GRIP1: variants seen among roughly 807,000 people sequenced by gnomAD.
The protein encoded by GRIP1 is glutamate receptor interacting protein 1, also known as glutamate receptor-interacting protein 1.
A neutral mutation model predicts 129.9 loss-of-function variants in GRIP1; 45 were observed. The ratio of observed to expected loss-of-function variants is 0.35; its 90% CI spans 0.27 to 0.44. GRIP1 has a LOEUF of 0.44. GRIP1 is among the 20% of genes least tolerant of loss of function. The pLI is 1.00. For synonymous variants in GRIP1, 530 were observed against 520.8 expected (o/e 1.02, Z -0.24); for missense variants, 1,196 against 1,396.8 (o/e 0.86, Z 2.29).
At chr12:66,566,062 T>C (rs149428719) in intron 2 of GRIP1, among the ~76,000 whole-genome samples, 2,595 of 152,322 alleles carry the variant, frequency 0.017, 68 homozygotes, top group African/African-American at 0.059. Flanking sequence ...TCATGTCATC[T>C]GCAAACAGAG....
In GRIP1 at chr12:66,979,222, TAAAAAAAAAA is replaced by T. The variant is rs35306665; in HGVS notation, c.58+89818_58+89827del. On this transcript the variant is annotated intron_variant, in intron 1 of 1. Coordinates refer to the GRIP1 transcript ENST00000643019. The stretch of plus-strand genomic sequence containing the variant: ...CCCCAAGCCACAAAACTTCTCTTCT[TAAAAAAAAAA>T]AAAAAAAAAAAAAAAAAAAAAACAA... 1.7e-4 allele frequency among the ~76,000 whole-genome samples: 7 copies of T among 41,458 alleles called. No homozygotes were observed. The East Asian group carries it at 2.4e-3, about 14-fold the overall frequency. 27.2% of individuals were successfully genotyped at this position (41,458 alleles called of 152,430 possible).
chr12:66,675,339 A>G (rs760278726), intron 1 of GRIP1, among the ~76,000 whole-genome samples: 2 of 152,162 alleles, frequency 1.3e-5, no homozygotes, highest in Non-Finnish European at 2.9e-5. Flanking sequence ...GTGGAGCACG[A>G]AAGTTCAGAT....
In GRIP1 at chr12:66,582,743, A is replaced by C. The variant is rs1324327258; in HGVS notation, c.136+14104T>G. Among the ~76,000 whole-genome samples the C allele has an allele frequency of 7.3e-4, 106 of 146,136 alleles. 2 individuals are homozygous for C. The South Asian group carries it at 0.023, about 31-fold the overall frequency. On this transcript the variant is annotated intron_variant, in intron 2 of 24. Coordinates refer to ENST00000359742, the MANE Select transcript of GRIP1 (RefSeq NM_001366722.1). ...CAAGGAGAACTACAAACCACTGCTC[A>C]ATGAAATAAAAGAGGATACAAACAA...
chr12:66,462,857 A>C, intron 9 of GRIP1, 67 bp downstream of exon 9: 1 of 1,225,460 alleles, frequency 8.2e-7, no homozygotes, highest in South Asian at 1.2e-5. Flanking sequence ...TCTGCTGTCT[A>C]ACTCTGCTAG....
At chr12:66,857,997 G>A (rs1004965746) in intron 1 of GRIP1, among the ~76,000 whole-genome samples, 17 of 152,048 alleles carry the variant, frequency 1.1e-4, no homozygotes, top group African/African-American at 4.1e-4. Flanking sequence ...TCTCAGGAGT[G>A]TGAGGTTTAT....
At chr12:66,853,958 T>C (rs895935062) in intron 1 of GRIP1, among the ~76,000 whole-genome samples, 23 of 152,054 alleles carry the variant, frequency 1.5e-4, no homozygotes, top group Non-Finnish European at 2.6e-4. Context: ...CACTGAAATA[T>C]GTCTGACTCT....
At chr12:66,957,099 G>A (rs570175327) in intron 1 of GRIP1, among the ~76,000 whole-genome samples, 1 of 152,200 alleles carries the variant, frequency 6.6e-6, no homozygotes, top group Admixed American at 6.5e-5. Flanking sequence ...ATTTGAGATA[G>A]GGTCTTTAAA....
chr12:66,698,524 A>G (rs1773574584), intron 1 of GRIP1, among the ~76,000 whole-genome samples: 2 of 152,164 alleles, frequency 1.3e-5, no homozygotes, highest in South Asian at 4.1e-4. Flanking sequence ...CTCTTTTTCA[A>G]CTATTTCCTA....
intron 7 of GRIP1, among the ~76,000 whole-genome samples, chr12:66,483,271 AC>A (rs773601168): frequency 4.6e-5 from 7 of 152,154 alleles, no homozygotes; most frequent in Non-Finnish European, 8.8e-5. Flanking sequence ...AATAATTTCA[AC>A]CCTTTTCAGA....
intron 1 of GRIP1, among the ~76,000 whole-genome samples, chr12:67,000,830 C>CA (rs1203053845): frequency 3.3e-5 from 5 of 151,832 alleles, no homozygotes; most frequent in Admixed American, 1.3e-4. Context: ...TTAGCAAATA[C>CA]AAAAAAAGTA....
chr12:66,516,078 A>C (rs1319381633), intron 6 of GRIP1, among the ~76,000 whole-genome samples: 2 of 152,178 alleles, frequency 1.3e-5, no homozygotes, highest in Admixed American at 1.3e-4. Context: ...CTGAATGTCT[A>C]AAATGGATTT....
At chr12:66,405,829 G>T (rs1024399525) in intron 16 of GRIP1, among the ~76,000 whole-genome samples, 2 of 152,144 alleles carry the variant, frequency 1.3e-5, no homozygotes, top group Admixed American at 1.3e-4. Flanking sequence ...GCAATATAGT[G>T]ATTTAAGAAG....
chr12:66,465,491 T>G, intron 7 of GRIP1, 69 bp from the exon 8 acceptor site: 3 of 1,345,954 alleles, frequency 2.2e-6, no homozygotes, highest in Non-Finnish European at 3.2e-6. Flanking sequence ...AAGAAAGAGA[T>G]GAAGAATATT....
intron 15 of GRIP1, among the ~76,000 whole-genome samples, chr12:66,409,506 C>A (rs1470837205): frequency 6.6e-6 from 1 of 152,132 alleles, no homozygotes; most frequent in East Asian, 1.9e-4. Flanking sequence ...GTGAAGTGAC[C>A]AAAAACTTAG....
rs1332001075 is a variant in GRIP1, at chr12:66,414,939, TAAAATAAAATAAAATAAAATA to T, written c.1838+5760_1838+5780del. On this transcript the variant is annotated intron_variant, in intron 15 of 24. Coordinates refer to ENST00000359742, the MANE Select transcript of GRIP1 (RefSeq NM_001366722.1). The stretch of plus-strand genomic sequence containing the variant: ...CCCCTTCCTTACACCTTATATAAAA[TAAAATAAAATAAAATAAAATA>T]AAATAAAATAAAATAAAATAAAATA... Among the ~76,000 whole-genome samples the T allele has an allele frequency of 1.3e-3, 75 of 57,280 alleles. 1 individual carries two copies. The highest frequency in any genetic ancestry group is 2.1e-3 in the Non-Finnish European group (60 of 27,976). The allele number at this position is 57,280 out of a possible 152,430, so 37.6% of individuals were successfully genotyped here.
chr12:66,566,291 C>T (rs2062755128), intron 2 of GRIP1, among the ~76,000 whole-genome samples: 1 of 152,086 alleles, frequency 6.6e-6, no homozygotes, highest in Admixed American at 6.6e-5. Flanking sequence ...TGAGATATGT[C>T]CCATCAATAC....
intron 1 of GRIP1, among the ~76,000 whole-genome samples, chr12:66,870,166 CAGG>C (rs1263208267): frequency 6.6e-6 from 1 of 151,998 alleles, no homozygotes; most frequent in African/African-American, 2.4e-5. Context: ...GACTCTGCAG[CAGG>C]AGAAGGAATC....
intron 1 of GRIP1, among the ~76,000 whole-genome samples, chr12:66,639,203 G>A (rs979162413): frequency 2.0e-5 from 3 of 152,138 alleles, no homozygotes; most frequent in Admixed American, 6.5e-5. Context: ...GGTACTAATA[G>A]TATTACTAAT....
At chr12:66,475,882 A>T (rs2059591973) in intron 7 of GRIP1, among the ~76,000 whole-genome samples, 1 of 152,244 alleles carries the variant, frequency 6.6e-6, no homozygotes. Context: ...AGCAGGAAAG[A>T]TCTAAAATTG....
Sources: allele counts gnomAD v4.1 joint callset (sites outside exome capture counted in the v4.1 genomes callset), GRCh38; gene constraint gnomAD v4.1.1; transcripts MANE v1.5; gene names NCBI Gene and HGNC (gene_info 2026-07-23, HGNC 2026-07-21).